METTL14: variants seen among roughly 807,000 people sequenced by gnomAD.
The protein encoded by METTL14 is methyltransferase 14, N6-adenosine-methyltransferase non-catalytic subunit.
Under a neutral mutation model 62.4 loss-of-function variants are expected in METTL14, and 32 were observed. The observed-to-expected ratio is 0.51, with a 90% CI of 0.39 to 0.69. The LOEUF is 0.69. METTL14 is among the 30% of genes least tolerant of loss of function. METTL14 has a pLI of 0.00. For synonymous variants in METTL14, 150 were observed against 180.0 expected (o/e 0.83, Z 1.34); for missense variants, 340 against 551.9 (o/e 0.62, Z 3.85).
intron 10 of METTL14, among the ~76,000 whole-genome samples, chr4:118,706,085 C>A (rs1430159745): frequency 6.6e-6 from 1 of 152,176 alleles, no homozygotes; most frequent in Non-Finnish European, 1.5e-5. Context: ...AAATGATGAA[C>A]CTACATTGAC....
chr4:118,691,666 T>C, intron 4 of METTL14, 54 bp downstream of exon 4: 1 of 857,310 alleles, frequency 1.2e-6, no homozygotes, highest in Non-Finnish European at 1.8e-6. Flanking sequence ...GTTCTATACC[T>C]GAAAAGATTT....
At chr4:118,690,342 G>A (rs1724209208) in intron 3 of METTL14, among the ~76,000 whole-genome samples, 1 of 151,700 alleles carries the variant, frequency 6.6e-6, no homozygotes, top group Non-Finnish European at 1.5e-5. Context: ...CTGGCCAGCA[G>A]TAGACAATAA....
At chr4:118,704,669 G>T (rs1315375933) in intron 9 of METTL14, among the ~76,000 whole-genome samples, 1 of 152,002 alleles carries the variant, frequency 6.6e-6, no homozygotes, top group Non-Finnish European at 1.5e-5. Context: ...GCTTGGAGAG[G>T]GCACAGCAGC....
intron 5 of METTL14, among the ~76,000 whole-genome samples, chr4:118,692,785 A>G (rs541825067): frequency 6.6e-6 from 1 of 152,136 alleles, no homozygotes; most frequent in South Asian, 2.1e-4. Context: ...ATCTCCCCTA[A>G]GGAAGCCCTG....
At chr4:118,687,041 C>T (rs1201470238) in intron 1 of METTL14, among the ~76,000 whole-genome samples, 2 of 152,150 alleles carry the variant, frequency 1.3e-5, no homozygotes, top group Non-Finnish European at 2.9e-5. Context: ...TTTATTAGAG[C>T]ATAGAATAAA....
intron 6 of METTL14, among the ~76,000 whole-genome samples, chr4:118,696,268 T>C (rs1462338891): frequency 1.3e-5 from 2 of 152,066 alleles, no homozygotes; most frequent in African/African-American, 4.8e-5. Flanking sequence ...TATTTACTTA[T>C]TTATTTATTT....
chr4:118,703,529 T>C (rs886633741), intron 8 of METTL14, among the ~76,000 whole-genome samples: 1 of 152,228 alleles, frequency 6.6e-6, no homozygotes, highest in African/African-American at 2.4e-5. Flanking sequence ...TTTTCAATAG[T>C]ATGTAGCTTT....
At chr4:118,686,789 GAC>G (rs1182151030) in intron 1 of METTL14, 6 of 365,650 alleles carry the variant, frequency 1.6e-5, no homozygotes, top group African/African-American at 1.3e-4. Flanking sequence ...ACATTCATAG[GAC>G]AATTATTTGT....
intron 3 of METTL14, 145 bp downstream of exon 3, chr4:118,689,602 C>T (rs996857624): frequency 4.2e-4 from 193 of 455,538 alleles, no homozygotes; most frequent in Non-Finnish European, 6.6e-4. Context: ...TCACCAGTTA[C>T]ATTAAGACCA....
chr4:118,685,618 C>G lies in METTL14; in HGVS notation c.66+18C>G, dbSNP rs767670562. The stretch of plus-strand genomic sequence containing the variant: ...CGCAGCAGGTCCGCGGCCCTGGTGT[C>G]CCCTGTGGGAGGGATCGAGAATGCG... On this transcript the variant is annotated intron_variant, in intron 1 of 10. Coordinates refer to ENST00000388822, the MANE Select transcript of METTL14 (RefSeq NM_020961.4). 2.2e-5 allele frequency: 35 copies of G among 1,612,656 alleles called. No homozygotes were observed. Among genetic ancestry groups the G allele is most frequent in the Non-Finnish European group, 1.8e-5 (21 of 1,179,016 alleles).
intron 6 of METTL14, among the ~76,000 whole-genome samples, 172 bp downstream of exon 6, chr4:118,694,698 T>A (rs891505576): frequency 6.6e-6 from 1 of 152,208 alleles, no homozygotes; most frequent in Admixed American, 6.5e-5. Context: ...GCTCATTATG[T>A]TGCCCAGGCT....
At chr4:118,705,520 A>T (rs1724730739) in intron 9 of METTL14, 91 bp from the exon 10 acceptor site, 4 of 995,448 alleles carry the variant, frequency 4.0e-6, no homozygotes, top group Non-Finnish European at 6.2e-6. Context: ...AGAAATGAGG[A>T]TTGTTTTAGA....
intron 10 of METTL14, among the ~76,000 whole-genome samples, chr4:118,707,663 C>CA (rs58896173): frequency 0.081 from 4,377 of 53,788 alleles, 224 homozygotes; most frequent in African/African-American, 0.2. Context: ...GACCCTGTCT[C>CA]AAAAAAAAAA....
chr4:118,710,538 C>CTG lies in METTL14; in HGVS notation c.*237_*238insGT. On this transcript the variant is annotated 3_prime_UTR_variant, in exon 11 of 11. Coordinates refer to ENST00000388822, the MANE Select transcript of METTL14 (RefSeq NM_020961.4). ...TATGTGCGTGAACAGAATGGAACAA[C>CTG]TCAAGTAGCTTCATCTTCAGAGACT... The CTG allele has an allele frequency of 2.5e-6, 1 of 408,096 alleles. No individual in the cohort carries two copies. Among genetic ancestry groups the CTG allele is most frequent in the Non-Finnish European group, 4.4e-6 (1 of 229,858 alleles). The allele number at this position is 408,096 out of a possible 1,614,324, so 25.3% of individuals were successfully genotyped here.
intron 1 of METTL14, 126 bp from the exon 2 acceptor site, chr4:118,687,797 G>C: frequency 3.0e-6 from 2 of 659,524 alleles, no homozygotes; most frequent in South Asian, 2.0e-5. Context: ...TTTTGTGTGT[G>C]TGTGTGTGTG....
Position 118,688,027 on chromosome 4 carries a change from CTTTT to C in METTL14, c.155+30_155+33del, listed in dbSNP as rs746420947. ...AAACTTGCAGGTCAGTCAGATAATTCTTTTTTTTTTTTTTTTTGAGACAGGGTTT... is the reference window on the plus strand; with the variant it reads ...AAACTTGCAGGTCAGTCAGATAATTCTTTTTTTTTTTTTGAGACAGGGTTT... On this transcript the variant is annotated intron_variant, in intron 2 of 10. Coordinates refer to ENST00000388822, the MANE Select transcript of METTL14 (RefSeq NM_020961.4). 2,176 of 1,281,364 alleles carry C rather than the reference CTTTT, an allele frequency of 1.7e-3. No individual in the cohort carries two copies. The highest frequency in any genetic ancestry group is 1.9e-3 in the Non-Finnish European group (1,763 of 930,800). The allele number at this position is 1,281,364 out of a possible 1,614,324, so 79.4% of individuals were successfully genotyped here. A position where few individuals can be genotyped will look rare whatever the true frequency, so the allele number is the denominator to read the frequency against.
chr4:118,711,307 A>G lies in METTL14; in HGVS notation c.*1005A>G, dbSNP rs929079991. 23 of 151,628 alleles carry G rather than the reference A, an allele frequency of 1.5e-4. No individual in the cohort carries two copies. Among genetic ancestry groups the G allele is most frequent in the Middle Eastern group, 3.4e-3 (1 of 294 alleles). 9.4% of individuals were successfully genotyped at this position (151,628 alleles called of 1,614,324 possible). A position where few individuals can be genotyped will look rare whatever the true frequency, so the allele number is the denominator to read the frequency against. On this transcript the variant is annotated 3_prime_UTR_variant, in exon 11 of 11. Transcript: ENST00000388822. Reference sequence around the variant, plus strand: ...GTGTGATGTTTGTTTTTAAAATTATATAAGACTTTATGCTGTCACTTCTCT... The same window carrying G: ...GTGTGATGTTTGTTTTTAAAATTATGTAAGACTTTATGCTGTCACTTCTCT...
chr4:118,707,161 G>T (rs990184953), intron 10 of METTL14, among the ~76,000 whole-genome samples: 8 of 151,710 alleles, frequency 5.3e-5, no homozygotes, highest in Non-Finnish European at 1.0e-4. Context: ...TCAGGTTAGG[G>T]GTACAGGTTT....
Position 118,685,562 on chromosome 4 carries a change from G to C in METTL14, c.28G>C (p.Glu10Gln). MDSRLQEIR[E>Q]RQKLRRQLLA... is the part of the protein sequence containing the mutation. ...GGATAGCCGCTTGCAGGAGATCCGG[G>C]AGCGGCAGAAGTTACGGCGACAGCT... is the stretch of plus-strand genomic sequence containing the variant. The change falls in exon 1 of 11, where the codon GAG (glutamate) becomes CAG (glutamine). Residue 10 changes from glutamate (E) to glutamine (Q), a missense_variant. Coordinates refer to ENST00000388822, the MANE Select transcript of METTL14 (RefSeq NM_020961.4). 1 of 1,614,114 alleles carries C rather than the reference G, an allele frequency of 6.2e-7. No individual in the cohort carries two copies. Among genetic ancestry groups the C allele is most frequent in the Non-Finnish European group, 8.5e-7 (1 of 1,180,024 alleles).
Sources: allele counts gnomAD v4.1 joint callset (sites outside exome capture counted in the v4.1 genomes callset), GRCh38; gene constraint gnomAD v4.1.1; transcripts MANE v1.5; gene names NCBI Gene and HGNC (gene_info 2026-07-23, HGNC 2026-07-21).